The following ENAH variants were observed in gnomAD, a reference collection of about 807,000 sequenced individuals.
ENAH encodes the protein protein enabled homolog.
A neutral mutation model predicts 78.7 loss-of-function variants in ENAH; 23 were observed. The observed-to-expected ratio is 0.29, with a 90% CI of 0.21 to 0.41. The LOEUF is 0.41. Among genes scored for constraint, ENAH ranks in the 10% least tolerant of loss-of-function variants. ENAH has a pLI of 1.00. For synonymous variants in ENAH, 226 were observed against 241.0 expected (o/e 0.94, Z 0.58); for missense variants, 544 against 691.0 (o/e 0.79, Z 2.39).
rs1426501507 is a variant in ENAH, at chr1:225,492,008, TCTAA to T, written c.*5763_*5766del. 6.6e-6 allele frequency: 1 copy of T among 152,160 alleles called. No homozygotes were observed. The highest frequency in any genetic ancestry group is 2.1e-4 in the South Asian group (1 of 4,836). The allele number at this position is 152,160 out of a possible 1,614,324, so 9.4% of individuals were successfully genotyped here. On this transcript the variant is annotated 3_prime_UTR_variant, in exon 14 of 14. Coordinates refer to ENST00000366843, the MANE Select transcript of ENAH (RefSeq NM_018212.6). ...TAGAACTTTTACGGAATAAATGTAG[TCTAA>T]CAAACTGGGCTCTCTAATGAAATAT...
intron 11 of ENAH, among the ~76,000 whole-genome samples, chr1:225,501,916 A>G (rs966478642): frequency 6.6e-6 from 1 of 152,184 alleles, no homozygotes; most frequent in Admixed American, 6.5e-5. Context: ...GTCCGGCAAT[A>G]AAAGAGTCCC....
chr1:225,567,462 G>T, intron 1 of ENAH, 48 bp from the exon 2 acceptor site: 1 of 1,562,742 alleles, frequency 6.4e-7, no homozygotes, highest in Non-Finnish European at 8.7e-7. Context: ...TTTAAAATAT[G>T]CTAAGTGTTC....
chr1:225,623,485 AT>A (rs988777207), intron 1 of ENAH, among the ~76,000 whole-genome samples: 5 of 152,100 alleles, frequency 3.3e-5, no homozygotes, highest in Admixed American at 3.3e-4. Flanking sequence ...ATTCAGGGGT[AT>A]GCAGGTTTGT....
intron 3 of ENAH, 47 bp from the exon 4 acceptor site, chr1:225,530,685 G>T: frequency 7.3e-7 from 1 of 1,369,536 alleles, no homozygotes; most frequent in Non-Finnish European, 1.0e-6. Flanking sequence ...TTCATATCTA[G>T]CTGGACAGAG....
intron 1 of ENAH, among the ~76,000 whole-genome samples, chr1:225,607,413 T>C (rs538343586): frequency 1.3e-5 from 2 of 151,782 alleles, no homozygotes; most frequent in East Asian, 1.9e-4. Flanking sequence ...GGTAACTGAC[T>C]TAGTAGGCTG....
intron 1 of ENAH, among the ~76,000 whole-genome samples, chr1:225,575,040 G>A (rs543278561): frequency 2.0e-5 from 3 of 151,752 alleles, no homozygotes; most frequent in Non-Finnish European, 4.4e-5. Flanking sequence ...AGCACTAGAC[G>A]AGCTTTTTCC....
At chr1:225,602,026 TAAC>T (rs139729539) in intron 1 of ENAH, among the ~76,000 whole-genome samples, 4 of 151,892 alleles carry the variant, frequency 2.6e-5, no homozygotes, top group Admixed American at 6.5e-5. Context: ...ATTAAGAAGA[TAAC>T]AAAACCAAAA....
chr1:225,539,567 A>G (rs1306972562), intron 3 of ENAH, among the ~76,000 whole-genome samples: 1 of 152,148 alleles, frequency 6.6e-6, no homozygotes, highest in Non-Finnish European at 1.5e-5. Flanking sequence ...AGCCAGTGAT[A>G]CTTTAATAAT....
At chr1:225,590,733 C>T (rs1477789785) in intron 1 of ENAH, among the ~76,000 whole-genome samples, 1 of 152,160 alleles carries the variant, frequency 6.6e-6, no homozygotes, top group East Asian at 1.9e-4. Flanking sequence ...ACCCAAACAT[C>T]TCTACTAACA....
intron 1 of ENAH, among the ~76,000 whole-genome samples, chr1:225,626,250 G>C (rs945620724): frequency 1.3e-5 from 2 of 152,186 alleles, no homozygotes; most frequent in Non-Finnish European, 2.9e-5. Flanking sequence ...GAACTAACTT[G>C]AGTTTCTATC....
At chr1:225,537,035 C>A (rs1235718605) in intron 3 of ENAH, among the ~76,000 whole-genome samples, 1 of 151,856 alleles carries the variant, frequency 6.6e-6, no homozygotes, top group East Asian at 1.9e-4. Context: ...GTCTTACCGA[C>A]GTTTGCAAAT....
intron 12 of ENAH, 139 bp downstream of exon 12, chr1:225,500,853 A>C: frequency 1.3e-6 from 1 of 795,876 alleles, no homozygotes. Context: ...AGTACTACTA[A>C]TGCCACTGTT....
chr1:225,614,112 G>T lies in ENAH; in HGVS notation c.5+38574C>A, dbSNP rs192189540. 5.9e-5 allele frequency among the ~76,000 whole-genome samples: 9 copies of T among 151,290 alleles called. No individual in the cohort carries two copies. The East Asian group carries it at 1.7e-3, about 29-fold the overall frequency. On this transcript the variant is annotated intron_variant, in intron 1 of 13. Transcript: ENST00000366843. The stretch of plus-strand genomic sequence containing the variant: ...CTCATTCTGTCGCCCAGGCTGGAGT[G>T]CAATGGCACAATCTCGGCTCACTGC...
At chr1:225,613,315 A>T (rs1428480006) in intron 1 of ENAH, among the ~76,000 whole-genome samples, 13 of 152,116 alleles carry the variant, frequency 8.5e-5, no homozygotes, top group Non-Finnish European at 5.9e-5. Context: ...TTTCACACTT[A>T]CTGAGAATAA....
chr1:225,653,406 G>A (rs1386433058), upstream of ENAH, among the ~76,000 whole-genome samples: 4 of 151,200 alleles, frequency 2.6e-5, no homozygotes, highest in Non-Finnish European at 5.9e-5. This position sits in a 1 kb window ranked among gnomAD's most constrained non-coding sequence, Gnocchi z 4.3. Flanking sequence ...GGATTCGGGC[G>A]GGCCACCACC....
intron 1 of ENAH, among the ~76,000 whole-genome samples, chr1:225,610,471 T>A (rs1264027734): frequency 6.6e-6 from 1 of 152,088 alleles, no homozygotes; most frequent in Non-Finnish European, 1.5e-5. Context: ...TAACATTTGG[T>A]AAGAAAAGAA....
chr1:225,536,374 G>A (rs2096561506), intron 3 of ENAH, among the ~76,000 whole-genome samples: 1 of 151,752 alleles, frequency 6.6e-6, no homozygotes, highest in Non-Finnish European at 1.5e-5. Context: ...AAATTGAGAT[G>A]AGACAAACAA....
At chr1:225,633,459 G>T (rs1659490423) in intron 1 of ENAH, among the ~76,000 whole-genome samples, 1 of 152,080 alleles carries the variant, frequency 6.6e-6, no homozygotes, top group Non-Finnish European at 1.5e-5. Flanking sequence ...TGATCTTAAG[G>T]ATGAAAAATG....
intron 4 of ENAH, among the ~76,000 whole-genome samples, chr1:225,527,193 C>T (rs1429827440): frequency 1.3e-5 from 2 of 152,190 alleles, no homozygotes; most frequent in African/African-American, 4.8e-5. Flanking sequence ...TAATGTTTTT[C>T]ACTACACGTT....
Sources: gnomAD v4.1 joint callset for allele counts (sites outside exome capture counted in the v4.1 genomes callset) on GRCh38, gnomAD v4.1.1 for gene constraint, Gnocchi (gnomAD v3.1) non-coding constraint, MANE v1.5 for transcripts, NCBI Gene and HGNC (gene_info 2026-07-23, HGNC 2026-07-21) for gene names.